ZDHHC17: variants seen among roughly 807,000 people sequenced by gnomAD.
The protein encoded by ZDHHC17 is zDHHC palmitoyltransferase 17, also known as palmitoyltransferase ZDHHC17.
ZDHHC17 carries 40 observed loss-of-function variants against 90.3 expected under a neutral mutation model. That is an observed-to-expected ratio of 0.44 (90% CI 0.34 to 0.58). The LOEUF is 0.58. Among genes scored for constraint, ZDHHC17 ranks in the 20% least tolerant of loss-of-function variants. The pLI is 0.01. For missense variants in ZDHHC17, 614 were observed against 780.8 expected (o/e 0.79, Z 2.55); for synonymous variants, 235 against 252.4 (o/e 0.93, Z 0.65).
chr12:76,792,836 C>G (rs1413829030), intron 1 of ZDHHC17, among the ~76,000 whole-genome samples: 1 of 152,098 alleles, frequency 6.6e-6, no homozygotes, highest in Admixed American at 6.5e-5. Flanking sequence ...TTGAAGAAAT[C>G]TTGTATAAAG....
chr12:76,775,574 A>T (rs1167814249), intron 1 of ZDHHC17, among the ~76,000 whole-genome samples: 1 of 152,218 alleles, frequency 6.6e-6, no homozygotes, highest in Admixed American at 6.5e-5. Flanking sequence ...TTCAATTAGT[A>T]GAAGTAAAAA....
intron 2 of ZDHHC17, among the ~76,000 whole-genome samples, chr12:76,799,990 T>A (rs1348909458): frequency 6.6e-6 from 1 of 152,248 alleles, no homozygotes; most frequent in African/African-American, 2.4e-5. Context: ...ATGTTTTTTA[T>A]GTTTTATGCA....
rs71085458 is a variant in ZDHHC17 at position 76,800,885 on chromosome 12, C to CT, written c.197+3369dup. 7.0e-3 allele frequency among the ~76,000 whole-genome samples: 754 copies of CT among 108,086 alleles called. 16 individuals carry two copies. Among genetic ancestry groups the CT allele is most frequent in the South Asian group, 0.023 (74 of 3,280 alleles). 70.9% of individuals were successfully genotyped at this position (108,086 alleles called of 152,430 possible). A position where few individuals can be genotyped will look rare whatever the true frequency, so the allele number is the denominator to read the frequency against. ...AGGGACTTCTGTCATTTTGCCATTT[C>CT]TTTTTTTTTTTTTTTTTTTTTAGAC... On this transcript the variant is annotated intron_variant, in intron 2 of 16. Transcript: ENST00000426126.
intron 7 of ZDHHC17, among the ~76,000 whole-genome samples, chr12:76,817,874 G>A (rs990248130): frequency 6.6e-6 from 1 of 152,022 alleles, no homozygotes; most frequent in Non-Finnish European, 1.5e-5. Flanking sequence ...AGAATTATTT[G>A]GTGCCAAGAA....
Position 76,764,227 on chromosome 12 carries a change from T to A in ZDHHC17, c.-10T>A, listed in dbSNP as rs532152440. ...CCGAGCCCCGGGAGGGTGAAACGCT[T>A]TCTCCCAGCATGCAGCGGGAGGAGG... is the stretch of plus-strand genomic sequence containing the variant. On this transcript the variant is annotated 5_prime_UTR_variant, in exon 1 of 17. Transcript: ENST00000426126. The A allele has an allele frequency of 8.3e-5, 131 of 1,586,374 alleles. 1 individual carries two copies. In the South Asian group the frequency reaches 1.4e-3, roughly 17 times the overall value.
chr12:76,839,340 C>T (rs1489159190), intron 10 of ZDHHC17, among the ~76,000 whole-genome samples: 2 of 152,194 alleles, frequency 1.3e-5, no homozygotes, highest in East Asian at 3.8e-4. Context: ...GCCTGCCTCG[C>T]CAGAATCATC....
chr12:76,808,475 T>TCC (rs1342815687), intron 3 of ZDHHC17, among the ~76,000 whole-genome samples: 3 of 151,802 alleles, frequency 2.0e-5, no homozygotes, highest in Non-Finnish European at 4.4e-5. Flanking sequence ...TCTCTCTCTC[T>TCC]CCCCCTCTCT....
At chr12:76,807,845 G>A (rs1343445598) in intron 3 of ZDHHC17, among the ~76,000 whole-genome samples, 1 of 152,142 alleles carries the variant, frequency 6.6e-6, no homozygotes, top group Non-Finnish European at 1.5e-5. Context: ...TCCTACGAGA[G>A]TGGTTATTTT....
At chr12:76,818,358 G>A (rs947754044) in intron 7 of ZDHHC17, among the ~76,000 whole-genome samples, 2 of 152,162 alleles carry the variant, frequency 1.3e-5, no homozygotes, top group Non-Finnish European at 2.9e-5. Flanking sequence ...TAGAAACCAT[G>A]TATTTATTCG....
intron 10 of ZDHHC17, among the ~76,000 whole-genome samples, chr12:76,829,582 T>TG (rs1953274977): frequency 6.6e-6 from 1 of 152,096 alleles, no homozygotes; most frequent in Non-Finnish European, 1.5e-5. Flanking sequence ...GAAACTTGTA[T>TG]TTTTCTAACT....
chr12:76,780,040 A>T (rs1002458552), intron 1 of ZDHHC17, among the ~76,000 whole-genome samples: 3 of 152,168 alleles, frequency 2.0e-5, no homozygotes, highest in African/African-American at 7.2e-5. Context: ...CACAGTCTTG[A>T]TTACTATAGC....
intron 10 of ZDHHC17, chr12:76,840,818 T>C (rs1189123248): frequency 1.3e-5 from 2 of 152,350 alleles, no homozygotes; most frequent in African/African-American, 4.8e-5. Context: ...TATATTGAGC[T>C]GACCCCCTGC....
intron 1 of ZDHHC17, among the ~76,000 whole-genome samples, chr12:76,773,564 G>T (rs182095160): frequency 4.2e-4 from 64 of 152,300 alleles, no homozygotes; most frequent in East Asian, 3.7e-3. Flanking sequence ...GCTGTTTACA[G>T]ATTAGGAAAC....
intron 2 of ZDHHC17, 23 bp from the exon 3 acceptor site, chr12:76,805,294 G>A: frequency 6.4e-7 from 1 of 1,557,840 alleles, no homozygotes; most frequent in African/African-American, 1.4e-5. Flanking sequence ...TAATAACAAT[G>A]CCATATTTTC....
At chr12:76,832,541 C>T (rs1953316288) in intron 10 of ZDHHC17, among the ~76,000 whole-genome samples, 1 of 152,214 alleles carries the variant, frequency 6.6e-6, no homozygotes, top group South Asian at 2.1e-4. Context: ...CAGTTGATCA[C>T]TACATAACCT....
chr12:76,787,859 A>G (rs576589786), intron 1 of ZDHHC17, among the ~76,000 whole-genome samples: 1 of 152,188 alleles, frequency 6.6e-6, no homozygotes, highest in East Asian at 1.9e-4. Context: ...AAACTAAACA[A>G]CTCTCAGAAT....
intron 8 of ZDHHC17, among the ~76,000 whole-genome samples, chr12:76,823,102 G>C (rs1953185762): frequency 6.6e-6 from 1 of 152,016 alleles, no homozygotes; most frequent in South Asian, 2.1e-4. Context: ...ATCTCCATCG[G>C]CTACTCGTGT....
At chr12:76,804,277 A>G (rs11115491) in intron 2 of ZDHHC17, among the ~76,000 whole-genome samples, 1,683 of 152,366 alleles carry the variant, frequency 0.011, 11 homozygotes, top group Non-Finnish European at 0.017. Context: ...TAAGACAGCT[A>G]TTAATAAACA....
chr12:76,815,991 G>A lies in ZDHHC17; in HGVS notation c.743G>A (p.Gly248Glu). Reference protein sequence around the residue: ...TTVISLLLEAGANVDAQNIKG... With the variant: ...TTVISLLLEAEANVDAQNIKG... ...GTCATTAGCCTTCTTCTGGAAGCTG[G>A]AGCTAATGTTGATGCCCAGAATATC... The change falls in exon 7 of 17, where the codon GGA becomes GAA. Residue 248 changes from glycine to glutamate, a missense_variant. Around this residue, in one of 5 missense-constraint regions of ZDHHC17, gnomAD observed 358 missense variants for 380.4 expected, o/e 0.94. Coordinates refer to ENST00000426126, the MANE Select transcript of ZDHHC17 (RefSeq NM_015336.4). 6.4e-7 allele frequency: 1 copy of A among 1,563,216 alleles called. No individual in the cohort carries two copies. The highest frequency in any genetic ancestry group is 8.7e-7 in the Non-Finnish European group (1 of 1,154,552).
Sources: allele counts gnomAD v4.1 joint callset (sites outside exome capture counted in the v4.1 genomes callset), GRCh38; gene constraint gnomAD v4.1.1; regional missense constraint gnomAD v4.1.1; transcripts MANE v1.5; gene names NCBI Gene and HGNC (gene_info 2026-07-23, HGNC 2026-07-21).